GFRA1: variants seen among roughly 807,000 people sequenced by gnomAD.
GFRA1 encodes the protein GDNF family receptor alpha 1, also known as GDNF family receptor alpha-1.
GFRA1 carries 16 observed loss-of-function variants against 51.6 expected under a neutral mutation model. The observed-to-expected ratio is 0.31, with a 90% CI of 0.21 to 0.47. The LOEUF is 0.47. Ranked by LOEUF, GFRA1 falls within the 20% of genes least tolerant of loss-of-function variation. GFRA1 has a pLI of 1.00. For missense variants in GFRA1, 530 were observed against 594.3 expected (o/e 0.89, Z 1.13); for synonymous variants, 270 against 241.3 (o/e 1.12, Z -1.10).
At chr10:116,175,211 C>G (rs1191042439) in intron 5 of GFRA1, among the ~76,000 whole-genome samples, 1 of 152,202 alleles carries the variant, frequency 6.6e-6, no homozygotes, top group Non-Finnish European at 1.5e-5. Flanking sequence ...CGGCAGCCGG[C>G]AGAAATGTCA....
chr10:116,261,747 T>C (rs1471830554), intron 4 of GFRA1, among the ~76,000 whole-genome samples: 2 of 152,186 alleles, frequency 1.3e-5, no homozygotes, highest in East Asian at 3.9e-4. Context: ...TAAGATTCAA[T>C]ATACGGGCCC....
At chr10:116,263,396 A>G (rs1370700151) in intron 4 of GFRA1, among the ~76,000 whole-genome samples, 2 of 152,316 alleles carry the variant, frequency 1.3e-5, no homozygotes, top group East Asian at 1.9e-4. Context: ...GAACCTATAC[A>G]GTAGGCATTA....
chr10:116,221,157 C>T (rs1372950425), intron 4 of GFRA1, among the ~76,000 whole-genome samples: 1 of 152,076 alleles, frequency 6.6e-6, no homozygotes, highest in Admixed American at 6.5e-5. Flanking sequence ...TCTCAGTCAC[C>T]CTAAAAGGTA....
chr10:116,205,602 T>G lies in GFRA1; in HGVS notation c.433+6029A>C, dbSNP rs994718623. Among the ~76,000 whole-genome samples, 7 of 24,522 alleles carry G rather than the reference T, an allele frequency of 2.9e-4. 1 individual carries two copies. The highest frequency in any genetic ancestry group is 2.5e-3 in the South Asian group (1 of 398). The allele number at this position is 24,522 out of a possible 152,430, so 16.1% of individuals were successfully genotyped here. A position where few individuals can be genotyped will look rare whatever the true frequency, so the allele number is the denominator to read the frequency against. On this transcript the variant is annotated intron_variant, in intron 5 of 10. Transcript: ENST00000355422. ...AAAGAAAGGAAAAAAAAAAGATATA[T>G]ATATATATATATATATATATATATT...
In GFRA1 at chr10:116,187,046, G is replaced by A. The variant is rs989470330; in HGVS notation, c.433+24585C>T. Among the ~76,000 whole-genome samples, 3 of 152,260 alleles carry A rather than the reference G, an allele frequency of 2.0e-5. No individual in the cohort carries two copies. The East Asian group carries it at 5.8e-4, about 29-fold the overall frequency. The stretch of plus-strand genomic sequence containing the variant: ...AAAACTCAATGAAGGAATAACGTGA[G>A]GTTTTTCACAGTTGTGTTCAGATAA... On this transcript the variant is annotated intron_variant, in intron 5 of 10. Transcript: ENST00000355422.
At chr10:116,227,585 T>TGA (rs1966388828) in intron 4 of GFRA1, among the ~76,000 whole-genome samples, 1 of 152,242 alleles carries the variant, frequency 6.6e-6, no homozygotes, top group African/African-American at 2.4e-5. Flanking sequence ...CCTTCTCAAA[T>TGA]GAGACACTCT....
chr10:116,182,328 T>C (rs1460074186), intron 5 of GFRA1, among the ~76,000 whole-genome samples: 2 of 152,174 alleles, frequency 1.3e-5, no homozygotes, highest in Non-Finnish European at 2.9e-5. Context: ...CCAGAAACCA[T>C]ACAAAGAAAA....
At chr10:116,231,061 A>T (rs1429647059) in intron 4 of GFRA1, among the ~76,000 whole-genome samples, 3 of 152,168 alleles carry the variant, frequency 2.0e-5, no homozygotes, top group Non-Finnish European at 4.4e-5. Context: ...TTTTCTATTT[A>T]AAAAACATTA....
At chr10:116,079,870 A>G (rs1955776626) in intron 9 of GFRA1, among the ~76,000 whole-genome samples, 1 of 152,170 alleles carries the variant, frequency 6.6e-6, no homozygotes, top group Admixed American at 6.5e-5. Flanking sequence ...GTGACTTCTC[A>G]TGAAGAAGCA....
chr10:116,205,936 A>T (rs1964717999), intron 5 of GFRA1, among the ~76,000 whole-genome samples: 1 of 146,240 alleles, frequency 6.8e-6, no homozygotes, highest in Non-Finnish European at 1.5e-5. Flanking sequence ...TCACACACAC[A>T]CACACACACA....
At chr10:116,229,045 G>C (rs185965843) in intron 4 of GFRA1, among the ~76,000 whole-genome samples, 2 of 148,318 alleles carry the variant, frequency 1.3e-5, no homozygotes, top group Non-Finnish European at 3.0e-5. Context: ...AAAAGGCAAG[G>C]AGACAGATTC....
At chr10:116,202,984 T>G (rs548516411) in intron 5 of GFRA1, among the ~76,000 whole-genome samples, 1 of 152,210 alleles carries the variant, frequency 6.6e-6, no homozygotes, top group Non-Finnish European at 1.5e-5. Context: ...TGGATGAGCA[T>G]TTTGAAGAAC....
chr10:116,249,827 A>G (rs1468576698), intron 4 of GFRA1, among the ~76,000 whole-genome samples: 1 of 152,202 alleles, frequency 6.6e-6, no homozygotes, highest in African/African-American at 2.4e-5. Context: ...CTTGTACACA[A>G]CCTAACATTA....
chr10:116,112,715 G>A (rs1336989008), intron 6 of GFRA1, among the ~76,000 whole-genome samples: 2 of 152,206 alleles, frequency 1.3e-5, no homozygotes, highest in Non-Finnish European at 2.9e-5. Flanking sequence ...AAACCAAGCT[G>A]GGCTCAGTGC....
intron 5 of GFRA1, among the ~76,000 whole-genome samples, chr10:116,187,716 A>G (rs1962858520): frequency 6.6e-6 from 1 of 152,204 alleles, no homozygotes; most frequent in South Asian, 2.1e-4. Flanking sequence ...GCACAAAGAA[A>G]GCATCCAGAC....
At chr10:116,120,693 T>C (rs1957606173) in intron 6 of GFRA1, among the ~76,000 whole-genome samples, 1 of 152,248 alleles carries the variant, frequency 6.6e-6, no homozygotes, top group Non-Finnish European at 1.5e-5. Flanking sequence ...GGTGGAGGGC[T>C]GGCCCTGATT....
intron 4 of GFRA1, among the ~76,000 whole-genome samples, chr10:116,225,675 T>TGC (rs897584650): frequency 6.7e-6 from 1 of 150,114 alleles, no homozygotes; most frequent in African/African-American, 2.4e-5. Flanking sequence ...TAGCAGCCTC[T>TGC]GCCTCCCAAG....
chr10:116,271,190 G>GCCCT, intron 2 of GFRA1, 75 bp from the exon 3 acceptor site: 1 of 1,336,628 alleles, frequency 7.5e-7, no homozygotes, highest in Non-Finnish European at 1.0e-6. Context: ...GCGAGGGCGC[G>GCCCT]CGCCCGGGTC....
chr10:116,085,310 A>G (rs999801580), intron 9 of GFRA1, among the ~76,000 whole-genome samples: 6 of 152,340 alleles, frequency 3.9e-5, no homozygotes, highest in African/African-American at 1.2e-4. Flanking sequence ...CTGAAACTCA[A>G]GTCCCCAAGA....
Sources: allele counts gnomAD v4.1 joint callset (sites outside exome capture counted in the v4.1 genomes callset), GRCh38; gene constraint gnomAD v4.1.1; transcripts MANE v1.5; gene names NCBI Gene and HGNC (gene_info 2026-07-23, HGNC 2026-07-21).